Variants in MYH15 observed in about 807,000 individuals in gnomAD.
The protein encoded by MYH15 is myosin heavy chain 15.
A neutral mutation model predicts 240.5 loss-of-function variants in MYH15; 227 were observed. The observed-to-expected ratio is 0.94, with a 90% CI of 0.85 to 1.05. MYH15 has a LOEUF of 1.05. Among genes scored for constraint, MYH15 ranks in the 50% least tolerant of loss-of-function variants. The pLI, the probability that MYH15 is intolerant of heterozygous loss-of-function variation, is 0.00. For synonymous variants in MYH15, 785 were observed against 796.7 expected (o/e 0.99, Z 0.25); for missense variants, 2,217 against 2,247.5 (o/e 0.99, Z 0.27).
intron 12 of MYH15, among the ~76,000 whole-genome samples, chr3:108,472,887 T>A (rs2083188521): frequency 6.6e-6 from 1 of 152,234 alleles, no homozygotes; most frequent in South Asian, 2.1e-4. Flanking sequence ...TTTTCAAGGG[T>A]TAAATGCACC....
rs1013343724 is a variant in MYH15 at position 108,416,682 on chromosome 3, T to C, written c.3948+130A>G. 9 of 764,190 alleles carry C rather than the reference T, an allele frequency of 1.2e-5. 1 individual carries two copies. The highest frequency in any genetic ancestry group is 7.7e-5 in the Admixed American group (3 of 39,058). The allele number at this position is 764,190 out of a possible 1,614,324, so 47.3% of individuals were successfully genotyped here. The stretch of plus-strand genomic sequence containing the variant: ...TCAGGGTTCTTCCTGGCATGGTTTT[T>C]CCCCCATAACTTCTAGGGCATTTTC... On this transcript the variant is annotated intron_variant, in intron 29 of 40. Coordinates refer to ENST00000693548, the MANE Select transcript of MYH15 (RefSeq NM_014981.3).
chr3:108,389,395 G>A (rs1436389233), intron 37 of MYH15, among the ~76,000 whole-genome samples: 1 of 152,182 alleles, frequency 6.6e-6, no homozygotes, highest in East Asian at 1.9e-4. Context: ...TAAGCAATGT[G>A]TAGCCCATTT....
upstream of MYH15, among the ~76,000 whole-genome samples, chr3:108,514,640 G>A (rs1268389308): frequency 6.6e-6 from 1 of 151,986 alleles, no homozygotes; most frequent in Non-Finnish European, 1.5e-5. Flanking sequence ...TGGGGTGGGG[G>A]GGTGGAGCTG....
intron 12 of MYH15, among the ~76,000 whole-genome samples, chr3:108,476,150 G>A (rs2083218395): frequency 6.6e-6 from 1 of 152,174 alleles, no homozygotes; most frequent in African/African-American, 2.4e-5. Context: ...GGGTTTGTCT[G>A]CATCTGCAAA....
chr3:108,546,033 TA>T, the MYH15 span, among the ~76,000 whole-genome samples: 1 of 152,170 alleles, frequency 6.6e-6, no homozygotes, highest in Non-Finnish European at 1.5e-5. Flanking sequence ...CATACTAATT[TA>T]AAAGTCATAT....
At chr3:108,541,645 C>T in the MYH15 span, among the ~76,000 whole-genome samples, 1 of 152,024 alleles carries the variant, frequency 6.6e-6, no homozygotes, top group African/African-American at 2.4e-5. Flanking sequence ...ACAAATATCG[C>T]TAGTGGGTTA....
intron 38 of MYH15, among the ~76,000 whole-genome samples, chr3:108,386,735 G>A (rs1490788464): frequency 6.6e-6 from 1 of 151,662 alleles, no homozygotes; most frequent in African/African-American, 2.4e-5. Context: ...ACTCTATCCT[G>A]GCATTTGGTT....
intron 22 of MYH15, among the ~76,000 whole-genome samples, chr3:108,443,733 C>T (rs574138600): frequency 1.3e-5 from 2 of 151,794 alleles, no homozygotes; most frequent in South Asian, 2.1e-4. Context: ...ACCCATAAAG[C>T]GACATGATGC....
At chr3:108,520,076 T>C (rs2083605937) in intron 1 of MYH15, among the ~76,000 whole-genome samples, 1 of 152,192 alleles carries the variant, frequency 6.6e-6, no homozygotes, top group Non-Finnish European at 1.5e-5. Context: ...GTCAAAATGC[T>C]TGGGATACTA....
chr3:108,510,244 C>T (rs539518321), intron 1 of MYH15, among the ~76,000 whole-genome samples, 199 bp downstream of exon 1: 1 of 152,242 alleles, frequency 6.6e-6, no homozygotes, highest in African/African-American at 2.4e-5. Flanking sequence ...TCCCAGCCAC[C>T]CTCCTCTTCT....
At chr3:108,487,498 T>C (rs1576264505) in intron 9 of MYH15, among the ~76,000 whole-genome samples, 1 of 152,170 alleles carries the variant, frequency 6.6e-6, no homozygotes, top group East Asian at 1.9e-4. Flanking sequence ...TCAAAATAAT[T>C]ATGCTGGGTA....
At chr3:108,412,705 T>C (rs2082603771) in intron 30 of MYH15, among the ~76,000 whole-genome samples, 1 of 152,218 alleles carries the variant, frequency 6.6e-6, no homozygotes, top group Admixed American at 6.5e-5. Context: ...AGAAACTAAA[T>C]CCTTATCCTT....
Position 108,510,516 on chromosome 3 carries a change from G to T in MYH15, c.15C>A (p.Asp5Glu). The T allele has an allele frequency of 1.2e-6, 2 of 1,613,294 alleles. No individual in the cohort carries two copies. Among genetic ancestry groups the T allele is most frequent in the Non-Finnish European group, 1.7e-6 (2 of 1,179,654 alleles). Residue 5 changes from aspartate (D) to glutamate (E), a missense_variant, in exon 1 of 41, where the codon GAC becomes GAA. Transcript: ENST00000693548. ...TGAGGAAGGCTGCGGCTTCTCCAAG[G>T]TCTGACAGATCCATCTTTATTAAAG... MDLS[D>E]LGEAAAFLRR...
upstream of MYH15, among the ~76,000 whole-genome samples, chr3:108,532,246 C>G (rs141364035): frequency 2.0e-5 from 3 of 151,446 alleles, no homozygotes; most frequent in Admixed American, 6.6e-5. Context: ...TGTTTCTGGA[C>G]GAGATTAACA....
chr3:108,422,217 T>C (rs1008329100), intron 27 of MYH15, among the ~76,000 whole-genome samples: 6 of 126,432 alleles, frequency 4.7e-5, no homozygotes, highest in Non-Finnish European at 8.3e-5. Context: ...ATCTTTTTAT[T>C]ATCTTTTTTT....
At chr3:108,450,031 T>C (rs562280533) in intron 21 of MYH15, among the ~76,000 whole-genome samples, 2 of 152,148 alleles carry the variant, frequency 1.3e-5, no homozygotes, top group East Asian at 3.9e-4. Flanking sequence ...TCACACCTGT[T>C]AGAATGGCTA....
intron 11 of MYH15, among the ~76,000 whole-genome samples, chr3:108,480,039 A>T (rs1490336025): frequency 6.6e-6 from 1 of 152,232 alleles, no homozygotes; most frequent in Non-Finnish European, 1.5e-5. Flanking sequence ...AACAAGGCAA[A>T]AATCCCTGGC....
chr3:108,519,758 A>T (rs567308172), intron 1 of MYH15, among the ~76,000 whole-genome samples: 27 of 152,296 alleles, frequency 1.8e-4, no homozygotes, highest in African/African-American at 6.5e-4. Flanking sequence ...ATAGAGTAAC[A>T]CTTACTTTAG....
chr3:108,549,126 C>A, the MYH15 span, among the ~76,000 whole-genome samples: 3 of 151,854 alleles, frequency 2.0e-5, no homozygotes, highest in Admixed American at 6.6e-5. Context: ...TGCGAGTAAT[C>A]CTAATATAAT....
Sources: gnomAD v4.1 joint callset for allele counts (sites outside exome capture counted in the v4.1 genomes callset) on GRCh38, gnomAD v4.1.1 for gene constraint, MANE v1.5 for transcripts, NCBI Gene and HGNC (gene_info 2026-07-23, HGNC 2026-07-21) for gene names.